CSMD1: variants seen among roughly 807,000 people sequenced by gnomAD.
The protein encoded by CSMD1 is CUB and Sushi multiple domains 1.
Under a neutral mutation model 417.5 loss-of-function variants are expected in CSMD1, and 213 were observed. That is an observed-to-expected ratio of 0.51 (90% CI 0.46 to 0.57). The LOEUF (loss-of-function observed/expected upper bound fraction) is 0.57, where lower values mean the gene tolerates loss of function less well. CSMD1 is among the 20% of genes least tolerant of loss of function. The pLI is 0.00. For synonymous variants in CSMD1, 2,862 were observed against 1,736.8 expected, an observed-to-expected ratio of 1.65 and a Z score of -16.11; for missense variants, 6,923 against 4,529.7, an observed-to-expected ratio of 1.53 and a Z score of -15.17.
intron 12 of CSMD1, among the ~76,000 whole-genome samples, chr8:3,467,487 G>C (rs931846894): frequency 2.4e-4 from 36 of 152,194 alleles, no homozygotes; most frequent in African/African-American, 8.7e-4. Flanking sequence ...GAGGTATTCA[G>C]CAGTTGCCTC....
intron 2 of CSMD1, among the ~76,000 whole-genome samples, chr8:4,563,852 C>G (rs1173281195): frequency 6.6e-6 from 1 of 152,136 alleles, no homozygotes; most frequent in African/African-American, 2.4e-5. Context: ...AGGATATCTG[C>G]TGAGAAGACT....
chr8:3,353,538 G>A (rs111439632), intron 21 of CSMD1, among the ~76,000 whole-genome samples: 2,470 of 152,262 alleles, frequency 0.016, 62 homozygotes, highest in African/African-American at 0.054. Flanking sequence ...CTGCGAGAGC[G>A]CTCCAGACCC....
At chr8:3,467,314 T>C (rs1816841494) in intron 12 of CSMD1, among the ~76,000 whole-genome samples, 1 of 152,204 alleles carries the variant, frequency 6.6e-6, no homozygotes, top group South Asian at 2.1e-4. Context: ...ATTTGCCCTG[T>C]TGGGAAGTGT....
At chr8:4,296,870 C>G (rs949298676) in intron 3 of CSMD1, among the ~76,000 whole-genome samples, 6 of 151,808 alleles carry the variant, frequency 4.0e-5, no homozygotes, top group Admixed American at 2.0e-4. Flanking sequence ...GTCTTAGACT[C>G]CCAATTTTTT....
At chr8:4,440,806 G>C (rs78713905) in intron 2 of CSMD1, among the ~76,000 whole-genome samples, 12,926 of 151,890 alleles carry the variant, frequency 0.085, 1,025 homozygotes, top group East Asian at 0.38. Context: ...GACCAGCCTG[G>C]CTAACATGCT....
At chr8:4,861,393 T>C (rs1213506949) in intron 1 of CSMD1, among the ~76,000 whole-genome samples, 2 of 152,120 alleles carry the variant, frequency 1.3e-5, no homozygotes, top group Non-Finnish European at 2.9e-5. Context: ...TTGACTCTAT[T>C]ACTACGCTGT....
In CSMD1 at chr8:4,111,438, T is replaced by C. The variant is rs1013664890; in HGVS notation, c.416-79339A>G. On this transcript the variant is annotated intron_variant, in intron 3 of 69. Transcript: ENST00000635120. Reference sequence around the variant, plus strand: ...AGAATTATTTATATTCCTTAGGATATATACCCAGTAATGGGAAAAGCACAT... The same window carrying C: ...AGAATTATTTATATTCCTTAGGATACATACCCAGTAATGGGAAAAGCACAT... 3.3e-5 allele frequency among the ~76,000 whole-genome samples: 5 copies of C among 152,224 alleles called. No homozygotes were observed. In the East Asian group the frequency reaches 9.6e-4, roughly 29 times the overall value.
Position 3,248,547 on chromosome 8 carries a change from T to TG in CSMD1, c.4154-18317dup, listed in dbSNP as rs1563184009. Among the ~76,000 whole-genome samples the TG allele has an allele frequency of 1.6e-3, 225 of 139,526 alleles. 8 individuals are homozygous for TG. The highest frequency in any genetic ancestry group is 3.6e-3 in the Middle Eastern group (1 of 274). 91.5% of individuals were successfully genotyped at this position (139,526 alleles called of 152,430 possible). A position where few individuals can be genotyped will look rare whatever the true frequency, so the allele number is the denominator to read the frequency against. On this transcript the variant is annotated intron_variant, in intron 26 of 69. Transcript: ENST00000635120. ...CCTTTTTTTTTTTTTTTTTTTTTTT[T>TG]GAGACGTAGTCTCGCTCTGTCGCCC...
chr8:4,852,970 G>C (rs1801572229), intron 1 of CSMD1, among the ~76,000 whole-genome samples: 1 of 152,082 alleles, frequency 6.6e-6, no homozygotes, highest in Admixed American at 6.5e-5. Context: ...TTCATGATGT[G>C]GCCTGGCTGC....
chr8:4,720,013 G>T (rs1285641392), intron 1 of CSMD1, among the ~76,000 whole-genome samples: 1 of 151,932 alleles, frequency 6.6e-6, no homozygotes, highest in Non-Finnish European at 1.5e-5. Flanking sequence ...AAGTTTAAGT[G>T]CTTACTTACA....
intron 1 of CSMD1, among the ~76,000 whole-genome samples, chr8:4,887,536 GTTT>G (rs2116984291): frequency 6.6e-6 from 1 of 151,926 alleles, no homozygotes; most frequent in African/African-American, 2.4e-5. Context: ...TTTTTACATA[GTTT>G]TTTATTTGTT....
At chr8:3,972,992 CT>C (rs1813189454) in intron 5 of CSMD1, among the ~76,000 whole-genome samples, 1 of 152,200 alleles carries the variant, frequency 6.6e-6, no homozygotes. Context: ...ACATTTACTG[CT>C]TAAATTTTAC....
At chr8:3,643,569 C>T (rs560907503) in intron 7 of CSMD1, among the ~76,000 whole-genome samples, 7 of 152,016 alleles carry the variant, frequency 4.6e-5, no homozygotes, top group South Asian at 2.1e-4. Flanking sequence ...GGCGTGGTGG[C>T]GGGCGCCTGT....
chr8:3,439,843 G>C (rs1232782461), intron 12 of CSMD1, among the ~76,000 whole-genome samples: 3 of 152,184 alleles, frequency 2.0e-5, no homozygotes, highest in Middle Eastern at 3.2e-3. Flanking sequence ...AAAGATGTGA[G>C]ATTCACATGG....
At chr8:4,151,993 AG>A (rs900753443) in intron 3 of CSMD1, among the ~76,000 whole-genome samples, 24 of 152,086 alleles carry the variant, frequency 1.6e-4, no homozygotes, top group Admixed American at 1.2e-3. Context: ...GTGGTTTGCT[AG>A]GGGGTCATTT....
chr8:3,706,992 G>C (rs903748688), intron 7 of CSMD1, among the ~76,000 whole-genome samples: 1 of 151,102 alleles, frequency 6.6e-6, no homozygotes, highest in African/African-American at 2.4e-5. Flanking sequence ...TTTACAGATT[G>C]ATTTTTTTTT....
chr8:4,918,757 C>T (rs989368290), intron 1 of CSMD1, among the ~76,000 whole-genome samples: 2 of 151,982 alleles, frequency 1.3e-5, no homozygotes, highest in Admixed American at 6.6e-5. Flanking sequence ...CACATATATG[C>T]AGGTATGTGC....
At chr8:4,490,161 C>T (rs7830464) in intron 2 of CSMD1, among the ~76,000 whole-genome samples, 232 of 151,898 alleles carry the variant, frequency 1.5e-3, no homozygotes, top group African/African-American at 4.7e-3. Context: ...CTGCTTCAGC[C>T]TCTCAGGTAG....
intron 26 of CSMD1, among the ~76,000 whole-genome samples, chr8:3,281,588 A>G (rs996630442): frequency 1.3e-5 from 2 of 152,218 alleles, no homozygotes; most frequent in East Asian, 3.8e-4. Flanking sequence ...ATGAAAGGCC[A>G]CACACTGCGT....
Sources: allele counts gnomAD v4.1 joint callset (sites outside exome capture counted in the v4.1 genomes callset), GRCh38; gene constraint gnomAD v4.1.1; transcripts MANE v1.5; gene names NCBI Gene and HGNC (gene_info 2026-07-23, HGNC 2026-07-21).